PVT1: variants seen among roughly 807,000 people sequenced by gnomAD.
PVT1 encodes the protein Pvt1 oncogene.
intron 2 of PVT1, among the ~76,000 whole-genome samples, chr8:127,801,326 C>T (rs749010721): frequency 6.6e-6 from 1 of 152,172 alleles, no homozygotes; most frequent in African/African-American, 2.4e-5. Flanking sequence ...ACTGCAACCT[C>T]TGCCTCCTGG....
At chr8:128,003,112 C>T (rs1019858015) in intron 4 of PVT1, among the ~76,000 whole-genome samples, 1 of 149,724 alleles carries the variant, frequency 6.7e-6, no homozygotes, top group Non-Finnish European at 1.5e-5. Context: ...AGTAATTCTC[C>T]TGCCTAAGCC....
intron 2 of PVT1, among the ~76,000 whole-genome samples, chr8:127,880,207 A>G (rs1381836873): frequency 6.6e-6 from 1 of 152,148 alleles, no homozygotes; most frequent in African/African-American, 2.4e-5. Flanking sequence ...GTTTGATATG[A>G]TTTCTGGCTT....
intron 5 of PVT1, among the ~76,000 whole-genome samples, chr8:128,087,950 G>A (rs531151246): frequency 9.9e-5 from 15 of 151,808 alleles, no homozygotes; most frequent in African/African-American, 3.6e-4. Context: ...GCAGAGATGG[G>A]GTTTCACCAT....
intron 5 of PVT1, among the ~76,000 whole-genome samples, chr8:128,095,053 G>A (rs867596226): frequency 7.9e-5 from 12 of 152,336 alleles, no homozygotes; most frequent in East Asian, 3.9e-4. Flanking sequence ...TGCTTTGGGC[G>A]TTTTAAAACT....
At chr8:128,013,396 C>T (rs74473040) in intron 4 of PVT1, among the ~76,000 whole-genome samples, 1 of 127,794 alleles carries the variant, frequency 7.8e-6, no homozygotes. Context: ...GTTTTTTTTT[C>T]CCCCTGGCAG....
chr8:128,083,216 T>C (rs1199531400), intron 5 of PVT1, among the ~76,000 whole-genome samples: 2 of 152,262 alleles, frequency 1.3e-5, no homozygotes, highest in African/African-American at 4.8e-5. Flanking sequence ...ACTGAATTCA[T>C]ATGATTGTTA....
intron 2 of PVT1, among the ~76,000 whole-genome samples, chr8:127,879,390 G>C (rs149561146): frequency 4.6e-5 from 7 of 152,140 alleles, no homozygotes; most frequent in Non-Finnish European, 1.0e-4. Flanking sequence ...TTAGCCGGGC[G>C]TGGTGGCAGG....
At chr8:128,081,707 G>T (rs1814181979) in intron 5 of PVT1, among the ~76,000 whole-genome samples, 1 of 152,110 alleles carries the variant, frequency 6.6e-6, no homozygotes, top group African/African-American at 2.4e-5. Flanking sequence ...TATAATAGTT[G>T]CTGAATTAGT....
intron 2 of PVT1, among the ~76,000 whole-genome samples, chr8:127,853,784 A>G (rs1815130555): frequency 1.3e-5 from 2 of 150,766 alleles, no homozygotes; most frequent in Admixed American, 6.7e-5. Context: ...AGAAACAAAA[A>G]CAAAACAAAA....
intron 2 of PVT1, chr8:127,855,137 G>A (rs1815147260): frequency 5.0e-6 from 2 of 398,712 alleles, no homozygotes; most frequent in Admixed American, 8.8e-5. Flanking sequence ...CCACGTGGCT[G>A]CTGGAATCTT....
intron 2 of PVT1, among the ~76,000 whole-genome samples, chr8:127,833,945 A>G (rs1179367332): frequency 8.5e-5 from 13 of 152,192 alleles, no homozygotes; most frequent in Admixed American, 8.5e-4. Flanking sequence ...ACTTAGGATG[A>G]GGCCTGAGAA....
chr8:128,082,473 C>T (rs1406618298), intron 5 of PVT1, among the ~76,000 whole-genome samples: 1 of 152,200 alleles, frequency 6.6e-6, no homozygotes, highest in Non-Finnish European at 1.5e-5. Flanking sequence ...CATGGGGTAG[C>T]AACATCCATG....
intron 3 of PVT1, among the ~76,000 whole-genome samples, chr8:127,911,749 A>G (rs1815901064): frequency 6.6e-6 from 1 of 152,106 alleles, no homozygotes. Flanking sequence ...CTGTGCTTTT[A>G]TTTGCTTCTT....
chr8:127,884,269 CA>C (rs1301471496), intron 2 of PVT1, among the ~76,000 whole-genome samples: 1 of 152,192 alleles, frequency 6.6e-6, no homozygotes, highest in Non-Finnish European at 1.5e-5. Flanking sequence ...TTCTTTCACT[CA>C]AAATTATGTT....
intron 4 of PVT1, among the ~76,000 whole-genome samples, chr8:128,055,668 C>T (rs1813754179): frequency 6.6e-6 from 1 of 152,136 alleles, no homozygotes; most frequent in Non-Finnish European, 1.5e-5. Flanking sequence ...TTCTTCTGTT[C>T]CACATGGGAG....
intron 3 of PVT1, among the ~76,000 whole-genome samples, chr8:127,926,046 G>A (rs1313040488): frequency 6.6e-6 from 1 of 152,152 alleles, no homozygotes; most frequent in Admixed American, 6.5e-5. Flanking sequence ...GAGGCGTGGA[G>A]AAAAGGTGGG....
chr8:127,877,932 A>G (rs1263308563), intron 2 of PVT1, among the ~76,000 whole-genome samples: 2 of 152,222 alleles, frequency 1.3e-5, no homozygotes, highest in East Asian at 3.9e-4. Flanking sequence ...TCTCAAAAAA[A>G]CAACAACCCC....
chr8:127,883,032 C>T lies in PVT1; in HGVS notation n.373-7557C>T, dbSNP rs143842249. ...ACGCACACACATGCCTGCACACACA[C>T]ACTTGCACGCACACATGCATGCACA... On this transcript the variant is annotated intron_variant and non_coding_transcript_variant, in intron 2 of 10. Transcript: ENST00000651587. 8.3e-3 allele frequency among the ~76,000 whole-genome samples: 1,245 copies of T among 149,732 alleles called. 23 individuals carry two copies. Among genetic ancestry groups the T allele is most frequent in the African/African-American group, 0.03 (1,203 of 40,174 alleles).
intron 4 of PVT1, among the ~76,000 whole-genome samples, chr8:128,041,122 T>G (rs527585336): frequency 2.5e-4 from 38 of 151,214 alleles, no homozygotes; most frequent in Admixed American, 9.9e-4. Context: ...GTGTATATGT[T>G]TGTGCATGTG....
Sources: allele counts gnomAD v4.1 joint callset (sites outside exome capture counted in the v4.1 genomes callset), GRCh38; gene constraint gnomAD v4.1.1; transcripts MANE v1.5; gene names NCBI Gene and HGNC (gene_info 2026-07-23, HGNC 2026-07-21).